RIN3: variants seen among roughly 807,000 people sequenced by gnomAD.
The protein encoded by RIN3 is RAB5 interacting protein 3.
A neutral mutation model predicts 76.3 loss-of-function variants in RIN3; 54 were observed. The observed-to-expected ratio is 0.71, with a 90% CI of 0.57 to 0.89. The LOEUF is 0.89. RIN3 is among the 40% of genes least tolerant of loss of function. RIN3 has a pLI of 0.00. For synonymous variants in RIN3, 576 were observed against 564.0 expected (o/e 1.02, Z -0.30); for missense variants, 1,256 against 1,322.1 (o/e 0.95, Z 0.78).
At chr14:92,561,618 C>T (rs751093407) in intron 2 of RIN3, among the ~76,000 whole-genome samples, 15 of 152,042 alleles carry the variant, frequency 9.9e-5, no homozygotes, top group Admixed American at 2.0e-4. Flanking sequence ...GTGGTACATT[C>T]GCCACAATTA....
chr14:92,558,890 T>TC (rs1555383673), intron 2 of RIN3, among the ~76,000 whole-genome samples: 1 of 147,634 alleles, frequency 6.8e-6, no homozygotes, highest in East Asian at 2.0e-4. Context: ...TTCTTTTCTT[T>TC]TTTTTTTTTT....
chr14:92,675,264 C>T (rs544620484), intron 7 of RIN3, among the ~76,000 whole-genome samples: 8 of 152,156 alleles, frequency 5.3e-5, no homozygotes, highest in African/African-American at 1.9e-4. Flanking sequence ...TAGTATCATC[C>T]CTCTAGTAAT....
At chr14:92,569,056 C>A (rs1340917664) in intron 2 of RIN3, among the ~76,000 whole-genome samples, 1 of 152,224 alleles carries the variant, frequency 6.6e-6, no homozygotes, top group Admixed American at 6.5e-5. Context: ...TGTGCACACG[C>A]CAGCTGCCGT....
chr14:92,516,346 C>G lies in RIN3; in HGVS notation c.44+2370C>G, dbSNP rs972753879. ...ATCTAATACAGGGGTCCTGCTGGAGCCCTGAAGAGGAGCCCCTTAACCACT... is the reference window on the plus strand; with the variant it reads ...ATCTAATACAGGGGTCCTGCTGGAGGCCTGAAGAGGAGCCCCTTAACCACT... On this transcript the variant is annotated intron_variant, in intron 1 of 9. Transcript: ENST00000216487. Among the ~76,000 whole-genome samples the G allele has an allele frequency of 3.9e-5, 6 of 152,262 alleles. No individual in the cohort carries two copies. In the East Asian group the frequency reaches 1.2e-3, roughly 29 times the overall value.
intron 2 of RIN3, among the ~76,000 whole-genome samples, chr14:92,562,988 G>A (rs543240416): frequency 2.0e-5 from 3 of 152,240 alleles, no homozygotes; most frequent in East Asian, 3.9e-4. Flanking sequence ...ATATAGACCA[G>A]CCATCTAGAT....
At chr14:92,604,114 G>A (rs570279113) in intron 3 of RIN3, among the ~76,000 whole-genome samples, 7 of 152,356 alleles carry the variant, frequency 4.6e-5, no homozygotes, top group Non-Finnish European at 1.0e-4. Context: ...GCCCCTTTCA[G>A]GGGCCTGTAG....
intron 1 of RIN3, among the ~76,000 whole-genome samples, chr14:92,534,352 G>C (rs1455108823): frequency 6.6e-6 from 1 of 151,662 alleles, no homozygotes; most frequent in Non-Finnish European, 1.5e-5. Context: ...GGCTGAGGTG[G>C]GCGGATCACT....
At chr14:92,679,064 A>C (rs934882829) in intron 8 of RIN3, among the ~76,000 whole-genome samples, 2 of 152,222 alleles carry the variant, frequency 1.3e-5, no homozygotes, top group Non-Finnish European at 2.9e-5. Context: ...GGTGAGAAAC[A>C]GAGAAGTTCT....
At chr14:92,549,813 T>G (rs942060) in intron 1 of RIN3, among the ~76,000 whole-genome samples, 1 of 152,060 alleles carries the variant, frequency 6.6e-6, no homozygotes, top group Non-Finnish European at 1.5e-5. Context: ...TCTGAGCTCA[T>G]TGCTCTATTC....
At chr14:92,599,164 G>A (rs1885254907) in intron 3 of RIN3, among the ~76,000 whole-genome samples, 1 of 152,160 alleles carries the variant, frequency 6.6e-6, no homozygotes, top group Non-Finnish European at 1.5e-5. Context: ...CTGTCTAAAT[G>A]GCCCTGGGGA....
At chr14:92,630,029 GT>G (rs1280144558) in intron 4 of RIN3, among the ~76,000 whole-genome samples, 1 of 152,240 alleles carries the variant, frequency 6.6e-6, no homozygotes, top group African/African-American at 2.4e-5. Context: ...GCCTAACAGT[GT>G]TTGGCACATG....
chr14:92,602,877 G>T lies in RIN3; in HGVS notation c.368-12530G>T, dbSNP rs75739165. The stretch of plus-strand genomic sequence containing the variant: ...AGTTTCCCCATCTGTGCCATGGGGA[G>T]GGTGCAGAGCTATCCCTTAGAACCC... On this transcript the variant is annotated intron_variant, in intron 3 of 9. Transcript: ENST00000216487. 8.3e-3 allele frequency among the ~76,000 whole-genome samples: 1,259 copies of T among 152,268 alleles called. 56 individuals are homozygous for T. The East Asian group carries it at 0.12, about 14-fold the overall frequency.
chr14:92,586,600 C>T (rs1165096627), intron 3 of RIN3: 2 of 150,852 alleles, frequency 1.3e-5, no homozygotes, highest in Non-Finnish European at 3.0e-5. Context: ...TCTTAGCCTC[C>T]TTTTTTTTTC....
chr14:92,526,480 C>T (rs931186039), intron 1 of RIN3, among the ~76,000 whole-genome samples: 3 of 151,188 alleles, frequency 2.0e-5, no homozygotes, highest in Non-Finnish European at 2.9e-5. Flanking sequence ...ATGGGCCGGG[C>T]GCAGTGGCTC....
rs1435217133 is a variant in RIN3, at chr14:92,513,881, C to T, written c.-52C>T. On this transcript the variant is annotated 5_prime_UTR_variant, in exon 1 of 10. Coordinates refer to ENST00000216487, the MANE Select transcript of RIN3 (RefSeq NM_024832.5). Reference sequence around the variant, plus strand: ...CGGGCGCCCGGGACTCCGCGTTCCGCGCGGCCCGGCGCCTGAGCGCCTCCG... The same window carrying T: ...CGGGCGCCCGGGACTCCGCGTTCCGTGCGGCCCGGCGCCTGAGCGCCTCCG... 3.2e-6 allele frequency: 4 copies of T among 1,236,680 alleles called. No individual in the cohort carries two copies. The highest frequency in any genetic ancestry group is 3.0e-6 in the Non-Finnish European group (3 of 986,320). The allele number at this position is 1,236,680 out of a possible 1,614,324, so 76.6% of individuals were successfully genotyped here. A position where few individuals can be genotyped will look rare whatever the true frequency, so the allele number is the denominator to read the frequency against.
Position 92,589,006 on chromosome 14 carries a change from T to C in RIN3, c.367+11529T>C, listed in dbSNP as rs900554895. On this transcript the variant is annotated intron_variant, in intron 3 of 9. Transcript: ENST00000216487. The stretch of plus-strand genomic sequence containing the variant: ...AGCGGGAACCTGTTCTATGTAAGGC[T>C]CTTTCTGACTGACAGCATCCTCCCC... Among the ~76,000 whole-genome samples, 3 of 152,202 alleles carry C rather than the reference T, an allele frequency of 2.0e-5. No homozygotes were observed. The East Asian group carries it at 5.8e-4, about 29-fold the overall frequency.
intron 6 of RIN3, among the ~76,000 whole-genome samples, chr14:92,654,355 T>C (rs1460848507): frequency 6.6e-6 from 1 of 151,670 alleles, no homozygotes; most frequent in Non-Finnish European, 1.5e-5. Flanking sequence ...ATACATTCTG[T>C]CAGTTCGCAC....
intron 2 of RIN3, among the ~76,000 whole-genome samples, chr14:92,565,165 C>T (rs954146412): frequency 6.6e-6 from 1 of 152,234 alleles, no homozygotes; most frequent in African/African-American, 2.4e-5. Context: ...AAGTCTGGAG[C>T]TGCCCATCAG....
At chr14:92,601,021 A>T (rs1294695283) in intron 3 of RIN3, among the ~76,000 whole-genome samples, 3 of 152,200 alleles carry the variant, frequency 2.0e-5, no homozygotes, top group Admixed American at 6.5e-5. Context: ...AGCACCTGAG[A>T]TGTGGCTCAA....
Sources: gnomAD v4.1 joint callset for allele counts (sites outside exome capture counted in the v4.1 genomes callset) on GRCh38, gnomAD v4.1.1 for gene constraint, MANE v1.5 for transcripts, NCBI Gene and HGNC (gene_info 2026-07-23, HGNC 2026-07-21) for gene names.